ERCC6L2: variants seen among roughly 807,000 people sequenced by gnomAD.
The protein encoded by ERCC6L2 is DNA excision repair protein ERCC-6-like 2.
ERCC6L2 carries 77 observed loss-of-function variants against 132.0 expected under a neutral mutation model. That is an observed-to-expected ratio of 0.58 (90% CI 0.49 to 0.71). The LOEUF is 0.71. ERCC6L2 is among the 30% of genes least tolerant of loss of function. ERCC6L2 has a pLI of 0.00. For synonymous variants in ERCC6L2, 583 were observed against 632.4 expected (o/e 0.92, Z 1.17); for missense variants, 1,542 against 1,837.6 (o/e 0.84, Z 2.94).
chr9:95,990,623 T>A (rs946577640), intron 17 of ERCC6L2, among the ~76,000 whole-genome samples: 1 of 151,404 alleles, frequency 6.6e-6, no homozygotes, highest in African/African-American at 2.4e-5. Flanking sequence ...TAGGAGAGAG[T>A]GTACAAGCGA....
At chr9:95,928,955 A>T (rs1334883184) in intron 11 of ERCC6L2, 91 bp downstream of exon 11, 2 of 975,082 alleles carry the variant, frequency 2.1e-6, no homozygotes, top group Non-Finnish European at 2.9e-6. Context: ...TTAATTTTTA[A>T]TGGCTATGCT....
chr9:95,911,539 T>G (rs1829340312), intron 4 of ERCC6L2, among the ~76,000 whole-genome samples: 1 of 151,958 alleles, frequency 6.6e-6, no homozygotes, highest in African/African-American at 2.4e-5. Context: ...ATTTTATATT[T>G]ATTTATTTAG....
chr9:96,040,649 C>T (rs1382828553), intron 20 of ERCC6L2, among the ~76,000 whole-genome samples: 2 of 152,232 alleles, frequency 1.3e-5, no homozygotes, highest in Admixed American at 1.3e-4. Flanking sequence ...GGTCCCTGCC[C>T]CCTGCCATGA....
intron 2 of ERCC6L2, among the ~76,000 whole-genome samples, chr9:95,897,393 A>T (rs1055676218): frequency 1.3e-5 from 2 of 152,198 alleles, no homozygotes; most frequent in African/African-American, 4.8e-5. Context: ...AGTCTGTCTT[A>T]AAATAACATT....
chr9:96,018,606 G>A (rs1834231571), downstream of ERCC6L2, among the ~76,000 whole-genome samples: 1 of 149,458 alleles, frequency 6.7e-6, no homozygotes, highest in Non-Finnish European at 1.5e-5. Context: ...GACCACAGAT[G>A]TGCACCACCC....
chr9:95,886,799 G>C (rs148821678), intron 2 of ERCC6L2, among the ~76,000 whole-genome samples: 3 of 152,324 alleles, frequency 2.0e-5, no homozygotes, highest in Middle Eastern at 3.4e-3. Context: ...ATTTGAGTCA[G>C]TGGGCTGGGA....
At chr9:95,989,132 T>C (rs1588028246) in intron 17 of ERCC6L2, among the ~76,000 whole-genome samples, 1 of 152,190 alleles carries the variant, frequency 6.6e-6, no homozygotes, top group East Asian at 1.9e-4. Flanking sequence ...ATCCAGATGC[T>C]CTCAGAATCC....
chr9:95,928,465 AGTAATATTGTT>A (rs1373762302), intron 10 of ERCC6L2, among the ~76,000 whole-genome samples: 1 of 152,224 alleles, frequency 6.6e-6, no homozygotes, highest in Non-Finnish European at 1.5e-5. Context: ...TGATTTGACC[AGTAATATTGTT>A]TGTTTCTTAA....
chr9:95,970,184 T>C (rs1832349812), intron 14 of ERCC6L2, among the ~76,000 whole-genome samples: 1 of 152,110 alleles, frequency 6.6e-6, no homozygotes, highest in African/African-American at 2.4e-5. Flanking sequence ...TATTCAACAT[T>C]GTGGTGTTTG....
intron 19 of ERCC6L2, among the ~76,000 whole-genome samples, chr9:96,032,936 C>A (rs1287894544): frequency 6.6e-6 from 1 of 152,188 alleles, no homozygotes; most frequent in Non-Finnish European, 1.5e-5. Flanking sequence ...CCCACAGAGG[C>A]ATGGCCCAGA....
At chr9:95,968,748 A>C (rs192338239) in intron 14 of ERCC6L2, 1 of 152,194 alleles carries the variant, frequency 6.6e-6, no homozygotes, top group Admixed American at 6.6e-5. Context: ...AGTTCATTTT[A>C]CAAGTATTTG....
At position 95,921,235 on chromosome 9, in the gene ERCC6L2, G is replaced by A; in HGVS notation, c.1219G>A (p.Glu407Lys). 1 of 1,613,530 alleles carries A rather than the reference G, an allele frequency of 6.2e-7. No homozygotes were observed. Among genetic ancestry groups the A allele is most frequent in the Non-Finnish European group, 8.5e-7 (1 of 1,179,558 alleles). The change falls in exon 7 of 19, where the codon GAG becomes AAG. Residue 407 changes from glutamate to lysine, a missense_variant. Physicochemically the swap from Glu to Lys is moderately conservative, Grantham distance 56. Coordinates refer to ENST00000653738, the MANE Select transcript of ERCC6L2 (RefSeq NM_020207.7). ...TGTCTATCAAACAGTGTTAGAAACA[G>A]AGGACGTGACTTTGATACTTCAATC... ...KAVYQTVLETEDVTLILQSSE... is the reference protein window; with the variant it reads ...KAVYQTVLETKDVTLILQSSE...
Position 95,972,149 on chromosome 9 carries a change from G to A in ERCC6L2, c.2398G>A (p.Glu800Lys). The A allele has an allele frequency of 1.5e-6, 2 of 1,304,222 alleles. No individual in the cohort carries two copies. Among genetic ancestry groups the A allele is most frequent in the Non-Finnish European group, 2.0e-6 (2 of 988,932 alleles). The allele number at this position is 1,304,222 out of a possible 1,614,324, so 80.8% of individuals were successfully genotyped here. ...LLQCGFSKLLETKCKAVEDSD... is the reference protein window; with the variant it reads ...LLQCGFSKLLKTKCKAVEDSD... ...CCAGTGTGGTTTCTCGAAATTGCTT[G>A]AAACAAAATGTAAAGCAGTTGAGGA... Residue 800 changes from glutamate (E) to lysine (K), a missense_variant, in exon 16 of 19, where the codon GAA (glutamate) becomes AAA (lysine). By Grantham distance (56) the Glu-to-Lys change is moderately conservative (BLOSUM62 1). Transcript: ENST00000653738.
chr9:95,880,305 A>C (rs1433232690), intron 1 of ERCC6L2, among the ~76,000 whole-genome samples: 2 of 152,180 alleles, frequency 1.3e-5, no homozygotes, highest in African/African-American at 4.8e-5. Context: ...GTTTCTAGAG[A>C]AAGGCAATGG....
chr9:95,915,953 C>A, intron 5 of ERCC6L2, 124 bp downstream of exon 5: 1 of 986,084 alleles, frequency 1.0e-6, no homozygotes, highest in Non-Finnish European at 1.5e-6. Context: ...TGTGTTTGAT[C>A]CCAGATGTGG....
rs1299023796 is a variant in ERCC6L2, at chr9:95,941,362, T to C, written c.1752-92T>C. On this transcript the variant is annotated intron_variant, in intron 11 of 18. Coordinates refer to ENST00000653738, the MANE Select transcript of ERCC6L2 (RefSeq NM_020207.7). The stretch of plus-strand genomic sequence containing the variant: ...ATGAAATTAATGCAATATCGTACTG[T>C]TTTGGCTATAGAAACCTGGCACAGT... The C allele has an allele frequency of 6.1e-6, 5 of 823,000 alleles. No individual in the cohort carries two copies. The African/African-American group carries it at 6.9e-5, about 11-fold the overall frequency. The allele number at this position is 823,000 out of a possible 1,614,324, so 51.0% of individuals were successfully genotyped here.
At chr9:95,945,184 C>CCCTCAGG (rs1223982592) in intron 12 of ERCC6L2, among the ~76,000 whole-genome samples, 1 of 152,078 alleles carries the variant, frequency 6.6e-6, no homozygotes, top group Non-Finnish European at 1.5e-5. Flanking sequence ...CAGAGGCCTA[C>CCCTCAGG]CCTCAGGGAT....
At chr9:95,947,122 G>A (rs1399767415) in intron 12 of ERCC6L2, among the ~76,000 whole-genome samples, 1 of 152,152 alleles carries the variant, frequency 6.6e-6, no homozygotes, top group Non-Finnish European at 1.5e-5. Context: ...TAGTGAGGAG[G>A]GCATGTTGAA....
chr9:95,944,035 G>A (rs917695444), intron 12 of ERCC6L2, among the ~76,000 whole-genome samples: 1 of 152,166 alleles, frequency 6.6e-6, no homozygotes, highest in Non-Finnish European at 1.5e-5. Context: ...ATACCAAAAA[G>A]AATTGAAAGC....
Sources: gnomAD v4.1 joint callset for allele counts (sites outside exome capture counted in the v4.1 genomes callset) on GRCh38, gnomAD v4.1.1 for gene constraint, MANE v1.5 for transcripts, NCBI Gene and HGNC (gene_info 2026-07-23, HGNC 2026-07-21) for gene names.